The following SNRK variants were observed in gnomAD, a reference collection of about 807,000 sequenced individuals.
SNRK encodes SNF-related serine/threonine-protein kinase.
Under a neutral mutation model 48.2 loss-of-function variants are expected in SNRK, and 3 were observed. The observed-to-expected ratio is 0.06, with a 90% CI of 0.03 to 0.16. The LOEUF (loss-of-function observed/expected upper bound fraction) is 0.16, where lower values mean the gene tolerates loss of function less well. Ranked by LOEUF, SNRK falls within the 10% of genes least tolerant of loss-of-function variation. The pLI is 1.00. For missense variants in SNRK, 627 were observed against 976.0 expected (o/e 0.64, Z 4.76); for synonymous variants, 376 against 366.1 (o/e 1.03, Z -0.31).
intron 1 of SNRK, chr3:43,289,777 G>A (rs1347802860): frequency 2.6e-5 from 4 of 152,528 alleles, no homozygotes; most frequent in Non-Finnish European, 4.4e-5. Context: ...CCCAGCATTT[G>A]GCCTCTGCTC....
chr3:43,308,260 T>C (rs2090953447), intron 3 of SNRK, among the ~76,000 whole-genome samples: 1 of 152,240 alleles, frequency 6.6e-6, no homozygotes, highest in African/African-American at 2.4e-5. Flanking sequence ...TGCAGCAAGT[T>C]AGCCAGAAGA....
intron 1 of SNRK, among the ~76,000 whole-genome samples, chr3:43,297,306 T>C (rs896793664): frequency 3.3e-5 from 5 of 152,220 alleles, no homozygotes; most frequent in African/African-American, 1.2e-4. Context: ...AGGTGATTTT[T>C]ACTTTCTTCT....
chr3:43,332,392 T>C (rs2091152901), intron 4 of SNRK, 82 bp downstream of exon 4: 1 of 1,032,414 alleles, frequency 9.7e-7, no homozygotes, highest in African/African-American at 1.7e-5. Flanking sequence ...GTCAAGAAAA[T>C]TTGAGAGGAC....
rs1434761857 is a variant in SNRK, at chr3:43,349,369, A to G, written c.*812A>G. On this transcript the variant is annotated 3_prime_UTR_variant, in exon 7 of 7. Transcript: ENST00000296088. ...CAGAACAAAAAGATGCTCTGTGTAA[A>G]TTCCTTCCTGTAGGGCACACTGCAG... The G allele has an allele frequency of 6.6e-6, 1 of 152,644 alleles. No homozygotes were observed. The highest frequency in any genetic ancestry group is 1.5e-5 in the Non-Finnish European group (1 of 68,036). 9.5% of individuals were successfully genotyped at this position (152,644 alleles called of 1,614,324 possible).
intron 6 of SNRK, among the ~76,000 whole-genome samples, chr3:43,344,172 GTGC>G: frequency 6.6e-6 from 1 of 151,974 alleles, no homozygotes; most frequent in Non-Finnish European, 1.5e-5. Context: ...AGTCATGAAC[GTGC>G]TGCTCCCCAA....
In SNRK at chr3:43,303,791, A is replaced by G. The variant is rs760043191; in HGVS notation, c.588A>G (p.Val196=). 2.9e-5 allele frequency: 47 copies of G among 1,604,806 alleles called. No individual in the cohort carries two copies. Among genetic ancestry groups the G allele is most frequent in the Non-Finnish European group, 3.9e-5 (46 of 1,172,558 alleles). ...LLGDEYDAPA[V]DIWSLGVILF... ...GTGATGAGTATGATGCACCTGCAGTAGGTAGGTAACCTCGGTCCAGTATTT... is the reference window on the plus strand; with the variant it reads ...GTGATGAGTATGATGCACCTGCAGTGGGTAGGTAACCTCGGTCCAGTATTT... Residue 196 remains valine (V), a splice_region_variant and synonymous_variant, in exon 3 of 7, where the codon GTA becomes GTG. Coordinates refer to ENST00000296088, the MANE Select transcript of SNRK (RefSeq NM_017719.5). The surrounding 1 kb of genome is among the most constrained non-coding windows in gnomAD (Gnocchi z 6.2).
chr3:43,347,853 C>A lies in SNRK; in HGVS notation c.1594C>A (p.Gln532Lys). 1 of 1,614,172 alleles carries A rather than the reference C, an allele frequency of 6.2e-7. No homozygotes were observed. Among genetic ancestry groups the A allele is most frequent in the Non-Finnish European group, 8.5e-7 (1 of 1,180,044 alleles). ...VHKRYHRRKS[Q>K]GRGSSCSSSE... ...CAAACGCTACCACCGGAGGAAAAGT[C>A]AGGGCCGGGGCTCCAGCTGCAGTAG... is the stretch of plus-strand genomic sequence containing the variant. Residue 532 changes from glutamine to lysine, a missense_variant, in exon 7 of 7, where the codon CAG (glutamine) becomes AAG (lysine). Gln to Lys is a moderately conservative substitution (Grantham distance 53). Coordinates refer to ENST00000296088, the MANE Select transcript of SNRK (RefSeq NM_017719.5). This position sits in a 1 kb window ranked among gnomAD's most constrained non-coding sequence, Gnocchi z 5.4.
intron 1 of SNRK, among the ~76,000 whole-genome samples, chr3:43,290,247 G>A (rs1165624615): frequency 1.3e-5 from 2 of 151,926 alleles, no homozygotes; most frequent in South Asian, 2.1e-4. Flanking sequence ...TGGTGAAGAA[G>A]GTAAAAAAAT....
chr3:43,332,082 C>G (rs781145897), intron 3 of SNRK, 87 bp from the exon 4 acceptor site: 46 of 1,066,248 alleles, frequency 4.3e-5, no homozygotes, highest in Non-Finnish European at 5.7e-5. Context: ...TTTGACTGCT[C>G]AAGATAAAAT....
chr3:43,328,971 G>A lies in SNRK; in HGVS notation c.590-3198G>A, dbSNP rs1023793820. On this transcript the variant is annotated intron_variant, in intron 3 of 6. Transcript: ENST00000296088. ...ATGTTTTCTCTGTGCTGAATACTTA[G>A]CATGGATTCTGTTTTAATTCATTTA... 3.3e-5 allele frequency among the ~76,000 whole-genome samples: 5 copies of A among 152,158 alleles called. No homozygotes were observed. The East Asian group carries it at 9.6e-4, about 29-fold the overall frequency.
rs541697520 is a variant in SNRK, at chr3:43,348,661, A to G, written c.*104A>G. On this transcript the variant is annotated 3_prime_UTR_variant, in exon 7 of 7. Coordinates refer to ENST00000296088, the MANE Select transcript of SNRK (RefSeq NM_017719.5). ...TTACTATTTTAAAGTGGGCGTTAGG[A>G]GCAATTATTTATTACCTTTCCATTT... is the stretch of plus-strand genomic sequence containing the variant. The G allele has an allele frequency of 6.2e-5, 76 of 1,220,596 alleles. No homozygotes were observed. Among genetic ancestry groups the G allele is most frequent in the Admixed American group, 3.6e-4 (10 of 28,042 alleles). 75.6% of individuals were successfully genotyped at this position (1,220,596 alleles called of 1,614,324 possible).
chr3:43,333,984 A>G (rs966826783), intron 4 of SNRK, among the ~76,000 whole-genome samples: 31 of 152,220 alleles, frequency 2.0e-4, no homozygotes, highest in Admixed American at 2.0e-3. Flanking sequence ...TGTCTCTACT[A>G]AAAATACAAA....
intron 1 of SNRK, among the ~76,000 whole-genome samples, chr3:43,290,458 G>A (rs1488362357): frequency 1.3e-5 from 2 of 152,160 alleles, no homozygotes; most frequent in Admixed American, 1.3e-4. Flanking sequence ...ACCACTCTCC[G>A]CTAGAGTCAT....
Position 43,303,635 on chromosome 3 carries a change from T to C in SNRK, c.432T>C (p.Asn144=). ...HVVHRDLKPE[N]VVFFEKQGLV... is the part of the protein sequence containing the mutation. ...TTCACAGAGACTTAAAACCAGAGAA[T>C]GTAGTCTTCTTTGAAAAACAAGGTC... The change falls in exon 3 of 7, where the codon AAT becomes AAC. Residue 144 remains asparagine, a synonymous_variant. Transcript: ENST00000296088. The surrounding 1 kb of genome is among the most constrained non-coding windows in gnomAD (Gnocchi z 6.2). 1.2e-6 allele frequency: 2 copies of C among 1,614,184 alleles called. No homozygotes were observed. The highest frequency in any genetic ancestry group is 1.7e-6 in the Non-Finnish European group (2 of 1,180,026).
At chr3:43,292,286 G>C (rs1243610988) in intron 1 of SNRK, among the ~76,000 whole-genome samples, 1 of 152,168 alleles carries the variant, frequency 6.6e-6, no homozygotes, top group Non-Finnish European at 1.5e-5. Context: ...AGTGAACAAT[G>C]AACTTTTAAA....
In SNRK at chr3:43,347,816, A is replaced by G. The variant is rs763279790; in HGVS notation, c.1557A>G (p.Pro519=). 1.2e-6 allele frequency: 2 copies of G among 1,614,186 alleles called. No homozygotes were observed. The highest frequency in any genetic ancestry group is 3.3e-5 in the Admixed American group (2 of 60,032). Residue 519 remains proline, a synonymous_variant, in exon 7 of 7, where the codon CCA becomes CCG. Coordinates refer to ENST00000296088, the MANE Select transcript of SNRK (RefSeq NM_017719.5). This position sits in a 1 kb window ranked among gnomAD's most constrained non-coding sequence, Gnocchi z 5.4. The part of the protein sequence containing the change: ...LSRLKMNIAS[P]GTVHKRYHRR... ...GGTTAAAGATGAATATAGCTTCTCC[A>G]GGTACAGTTCACAAACGCTACCACC...
chr3:43,337,563 AT>A (rs199787843), intron 4 of SNRK, among the ~76,000 whole-genome samples: 3,802 of 150,186 alleles, frequency 0.025, 162 homozygotes, highest in African/African-American at 0.085. Context: ...CACCTGGCTA[AT>A]TTTTTTTTTA....
chr3:43,341,434 A>G (rs1019010354), intron 5 of SNRK, among the ~76,000 whole-genome samples: 2 of 152,236 alleles, frequency 1.3e-5, no homozygotes, highest in African/African-American at 4.8e-5. Context: ...TACAGGTGTG[A>G]GCCACTGTGC....
intron 3 of SNRK, among the ~76,000 whole-genome samples, chr3:43,306,694 A>G (rs967845338): frequency 2.0e-5 from 3 of 152,144 alleles, no homozygotes; most frequent in African/African-American, 7.2e-5. Flanking sequence ...TTTAACTTTA[A>G]TGCTATATGA....
Sources: allele counts gnomAD v4.1 joint callset (sites outside exome capture counted in the v4.1 genomes callset), GRCh38; gene constraint gnomAD v4.1.1; non-coding constraint Gnocchi (gnomAD v3.1); transcripts MANE v1.5; gene names NCBI Gene and HGNC (gene_info 2026-07-23, HGNC 2026-07-21).